The following LAMC2 variants were observed in gnomAD, a reference collection of about 807,000 sequenced individuals.
The protein encoded by LAMC2 is laminin subunit gamma-2.
Under a neutral mutation model 140.2 loss-of-function variants are expected in LAMC2, and 97 were observed. The observed-to-expected ratio is 0.69, with a 90% CI of 0.59 to 0.82. The LOEUF is 0.82. Among genes scored for constraint, LAMC2 ranks in the 40% least tolerant of loss-of-function variants. The pLI is 0.00. For missense variants in LAMC2, 1,402 were observed against 1,476.1 expected (o/e 0.95, Z 0.82); for synonymous variants, 513 against 540.2 (o/e 0.95, Z 0.70).
intron 1 of LAMC2, 59 bp from the exon 2 acceptor site, chr1:183,207,822 C>A: frequency 7.5e-7 from 1 of 1,338,268 alleles, no homozygotes; most frequent in Non-Finnish European, 1.1e-6. Flanking sequence ...CCTGCTAGAA[C>A]AGTTCCTGAG....
chr1:183,234,729 G>A (rs1659900433), intron 15 of LAMC2, among the ~76,000 whole-genome samples: 1 of 152,070 alleles, frequency 6.6e-6, no homozygotes, highest in Non-Finnish European at 1.5e-5. Flanking sequence ...GTGATTCCTC[G>A]GGCCACGTGA....
chr1:183,221,656 G>C (rs886829666), intron 5 of LAMC2, among the ~76,000 whole-genome samples: 1 of 151,898 alleles, frequency 6.6e-6, no homozygotes, highest in Non-Finnish European at 1.5e-5. Flanking sequence ...GTGAACCCGG[G>C]AGGCGGAGCT....
intron 2 of LAMC2, among the ~76,000 whole-genome samples, chr1:183,208,302 G>A (rs1404947043): frequency 6.6e-6 from 1 of 152,192 alleles, no homozygotes; most frequent in Non-Finnish European, 1.5e-5. Flanking sequence ...CTCTTAAGTA[G>A]GGGTTGGTGG....
chr1:183,213,457 T>TG (rs1261580959), intron 2 of LAMC2, among the ~76,000 whole-genome samples: 2 of 152,232 alleles, frequency 1.3e-5, no homozygotes, highest in African/African-American at 4.8e-5. Context: ...ATGTAGCGAC[T>TG]GGTCAATGTT....
chr1:183,246,335 G>C (rs527851041), downstream of LAMC2, among the ~76,000 whole-genome samples: 2 of 152,286 alleles, frequency 1.3e-5, no homozygotes, highest in East Asian at 3.9e-4. Context: ...AAGAGAGAAG[G>C]GGATGTGGCT....
intron 1 of LAMC2, among the ~76,000 whole-genome samples, chr1:183,198,236 C>T (rs1418292771): frequency 2.0e-5 from 3 of 150,428 alleles, no homozygotes; most frequent in Admixed American, 1.3e-4. Context: ...CCACCTCCTG[C>T]GTTCAAGTGA....
intron 1 of LAMC2, among the ~76,000 whole-genome samples, chr1:183,204,916 A>G (rs1658837046): frequency 6.6e-6 from 1 of 151,930 alleles, no homozygotes; most frequent in Non-Finnish European, 1.5e-5. Context: ...TCCTCCTCCC[A>G]GGTTCAAGTG....
intron 1 of LAMC2, among the ~76,000 whole-genome samples, chr1:183,205,732 C>G (rs1658864948): frequency 6.6e-6 from 1 of 152,008 alleles, no homozygotes; most frequent in African/African-American, 2.4e-5. Flanking sequence ...TGACGCAGGG[C>G]CCTTTGGATG....
At chr1:183,252,495 C>G in the LAMC2 span, 3 of 616,878 alleles carry the variant, frequency 4.9e-6, no homozygotes, top group Non-Finnish European at 9.1e-6. Context: ...CCATGGTTCT[C>G]TGCAGGTCCC....
downstream of LAMC2, among the ~76,000 whole-genome samples, chr1:183,247,475 G>A (rs1660262764): frequency 6.7e-6 from 1 of 150,058 alleles, no homozygotes; most frequent in Non-Finnish European, 1.5e-5. Flanking sequence ...TCATTATGAT[G>A]TGCCACAAAA....
intron 1 of LAMC2, among the ~76,000 whole-genome samples, chr1:183,205,546 A>G (rs1658856473): frequency 6.6e-6 from 1 of 152,200 alleles, no homozygotes; most frequent in Non-Finnish European, 1.5e-5. Flanking sequence ...TGGTCATATG[A>G]AGAAGGATAC....
Position 183,220,948 on chromosome 1 carries a change from T to C in LAMC2, c.627T>C (p.Ser209=). ...AATACAGTGTCCATAAGATCACCTCTACCTTTCATCAAGGTAAAGCCTTCT... is the reference window on the plus strand; with the variant it reads ...AATACAGTGTCCATAAGATCACCTCCACCTTTCATCAAGGTAAAGCCTTCT... ...SAEYSVHKIT[S]TFHQDVDGWK... is the part of the protein sequence containing the mutation. The change falls in exon 5 of 23, where the codon TCT becomes TCC. Residue 209 remains serine (S), a synonymous_variant. Transcript: ENST00000264144. 6.2e-7 allele frequency: 1 copy of C among 1,614,212 alleles called. No homozygotes were observed. Among genetic ancestry groups the C allele is most frequent in the Non-Finnish European group, 8.5e-7 (1 of 1,180,006 alleles).
intron 1 of LAMC2, among the ~76,000 whole-genome samples, chr1:183,187,240 C>A (rs1314319613): frequency 2.0e-5 from 3 of 152,152 alleles, no homozygotes; most frequent in Non-Finnish European, 4.4e-5. Context: ...TTCAATAGGT[C>A]CAAGACCAAG....
At chr1:183,195,305 T>C (rs1658480186) in intron 1 of LAMC2, among the ~76,000 whole-genome samples, 1 of 152,188 alleles carries the variant, frequency 6.6e-6, no homozygotes, top group African/African-American at 2.4e-5. Flanking sequence ...TAGGCTGTGA[T>C]ATAATGTACT....
chr1:183,243,181 C>T lies in LAMC2; in HGVS notation c.3363C>T (p.Val1121=), dbSNP rs753652465. Residue 1121 remains valine (V), a synonymous_variant, in exon 23 of 23, where the codon GTC becomes GTT. Coordinates refer to ENST00000264144, the MANE Select transcript of LAMC2 (RefSeq NM_005562.3). ...QPLSVDEEGL[V]LLEQKLSRAK... ...TCAGTGTAGATGAAGAGGGGCTGGT[C>T]TTACTGGAGCAGAAGCTTTCCCGAG... 31 of 1,599,428 alleles carry T rather than the reference C, an allele frequency of 1.9e-5. No homozygotes were observed. The highest frequency in any genetic ancestry group is 3.4e-6 in the Non-Finnish European group (4 of 1,173,692).
chr1:183,227,022 T>G (rs1034865633), intron 9 of LAMC2, 106 bp downstream of exon 9: 3 of 889,858 alleles, frequency 3.4e-6, no homozygotes, highest in Non-Finnish European at 5.4e-6. Flanking sequence ...GGGAAAGGAT[T>G]AAGGAGAGCA....
intron 2 of LAMC2, among the ~76,000 whole-genome samples, chr1:183,214,663 C>T (rs559063961): frequency 7.2e-5 from 11 of 152,172 alleles, no homozygotes; most frequent in African/African-American, 2.6e-4. Context: ...CCTGGCTTCT[C>T]TGTGGAGTGT....
intron 1 of LAMC2, among the ~76,000 whole-genome samples, chr1:183,202,055 A>G (rs1658722735): frequency 6.6e-6 from 1 of 151,954 alleles, no homozygotes; most frequent in Admixed American, 6.6e-5. Flanking sequence ...TTAGCTGGGT[A>G]TGGTGGTACA....
intron 3 of LAMC2, among the ~76,000 whole-genome samples, chr1:183,216,401 C>T (rs1466939346): frequency 6.6e-6 from 1 of 152,204 alleles, no homozygotes; most frequent in Admixed American, 6.5e-5. Flanking sequence ...CTCCGCCTCC[C>T]CGCCCCAATT....
Sources: gnomAD v4.1 joint callset for allele counts (sites outside exome capture counted in the v4.1 genomes callset) on GRCh38, gnomAD v4.1.1 for gene constraint, MANE v1.5 for transcripts, NCBI Gene and HGNC (gene_info 2026-07-23, HGNC 2026-07-21) for gene names.